Variants in SETD4 observed in about 807,000 individuals in gnomAD.
SETD4 encodes the protein SET domain-containing protein 4.
In SETD4, 46 loss-of-function variants were observed where a neutral mutation model predicts 58.3. The ratio of observed to expected loss-of-function variants is 0.79; its 90% CI spans 0.62 to 1.01. The LOEUF is 1.01. SETD4 is among the 50% of genes least tolerant of loss of function. The probability of loss-of-function intolerance (pLI) is 0.00; values close to 1 mark genes in which losing one functional copy is unlikely to be tolerated. For synonymous variants in SETD4, 190 were observed against 202.6 expected (o/e 0.94, Z 0.53); for missense variants, 490 against 523.3 (o/e 0.94, Z 0.62).
At chr21:36,057,007 C>G (rs913855956) in intron 3 of SETD4, 102 bp downstream of exon 3, 1 of 891,622 alleles carries the variant, frequency 1.1e-6, no homozygotes, top group Non-Finnish European at 1.8e-6. Context: ...TGCAAACCAG[C>G]TGAAGGACAA....
chr21:36,049,342 G>A (rs147903863), intron 4 of SETD4, among the ~76,000 whole-genome samples: 1 of 152,066 alleles, frequency 6.6e-6, no homozygotes, highest in East Asian at 1.9e-4. Context: ...ATCGCTTGAG[G>A]TCAGGAGTTC....
chr21:36,036,022 G>C, intron 11 of SETD4, 62 bp from the exon 12 acceptor site: 1 of 1,466,314 alleles, frequency 6.8e-7, no homozygotes, highest in Non-Finnish European at 9.4e-7. Context: ...ACAACTCATC[G>C]ACTCTAAACT....
chr21:36,045,883 C>T lies in SETD4; in HGVS notation c.425G>A (p.Cys142Tyr). 2 of 1,614,206 alleles carry T rather than the reference C, an allele frequency of 1.2e-6. No individual in the cohort carries two copies. The highest frequency in any genetic ancestry group is 2.2e-5 in the South Asian group (2 of 91,090). The change falls in exon 6 of 12, where the codon TGT becomes TAT. Residue 142 changes from cysteine to tyrosine, a missense_variant. Coordinates refer to ENST00000332131, the MANE Select transcript of SETD4 (RefSeq NM_017438.5). ...AAGGTTCACCACTTCCGGCTCCAAA[C>T]AAACAGGGCAGGTATACGCCTTGGG... ...ILPKAYTCPVCLEPEVVNLLP... is the reference protein window; with the variant it reads ...ILPKAYTCPVYLEPEVVNLLP...
In SETD4 at chr21:36,051,417, T is replaced by C. The variant is rs1348050817; in HGVS notation, c.207+2166A>G. The C allele has an allele frequency of 2.8e-6, 4 of 1,453,834 alleles. No individual in the cohort carries two copies. The Admixed American group carries it at 7.5e-5, about 27-fold the overall frequency. The allele number at this position is 1,453,834 out of a possible 1,614,324, so 90.1% of individuals were successfully genotyped here. A position where few individuals can be genotyped will look rare whatever the true frequency, so the allele number is the denominator to read the frequency against. On this transcript the variant is annotated intron_variant, in intron 4 of 11. Transcript: ENST00000332131. ...AACCAACAAAACCCTTGTAAAACTT[T>C]CTTTCTTTTTTCTTTTCTATTTTTA...
chr21:36,046,299 T>A (rs2064326740), intron 5 of SETD4, among the ~76,000 whole-genome samples: 1 of 152,192 alleles, frequency 6.6e-6, no homozygotes, highest in Admixed American at 6.5e-5. Context: ...CAAAAAAACC[T>A]CTTTGCTTCC....
chr21:36,037,245 C>T (rs1312539380), intron 10 of SETD4, among the ~76,000 whole-genome samples: 2 of 152,070 alleles, frequency 1.3e-5, no homozygotes, highest in Non-Finnish European at 2.9e-5. Context: ...TAGCCATCCA[C>T]GATGTATACC....
At position 36,035,419 on chromosome 21, in the gene SETD4, G is replaced by A. The variant is rs190832897; in HGVS notation, c.*574C>T. ...CAAAGCAGAAAGAGCCGCTGGCTGA[G>A]CTAGTCATTCTTCCCAAGTGAATAA... On this transcript the variant is annotated 3_prime_UTR_variant, in exon 12 of 12. Coordinates refer to ENST00000332131, the MANE Select transcript of SETD4 (RefSeq NM_017438.5). The A allele has an allele frequency of 3.9e-5, 6 of 152,716 alleles. No individual in the cohort carries two copies. Among genetic ancestry groups the A allele is most frequent in the African/African-American group, 1.4e-4 (6 of 41,586 alleles). 9.5% of individuals were successfully genotyped at this position (152,716 alleles called of 1,614,324 possible).
chr21:36,048,778 C>T (rs1356232587), intron 4 of SETD4, among the ~76,000 whole-genome samples: 3 of 142,780 alleles, frequency 2.1e-5, no homozygotes, highest in African/African-American at 5.3e-5. Flanking sequence ...AGTGCAATGG[C>T]GTGATCTCAG....
intron 2 of SETD4, chr21:36,057,494 AT>A (rs2065047029): frequency 3.3e-6 from 2 of 608,036 alleles, no homozygotes; most frequent in Non-Finnish European, 6.0e-6. Context: ...AAAAAAAAAA[AT>A]ACAATATTAT....
intron 7 of SETD4, 106 bp downstream of exon 7, chr21:36,043,676 T>C (rs576251419): frequency 6.6e-7 from 1 of 1,513,532 alleles, no homozygotes; most frequent in East Asian, 2.4e-5. Context: ...GTGATATGTA[T>C]GTCAGTCTTA....
intron 10 of SETD4, 121 bp from the exon 11 acceptor site, chr21:36,036,372 T>C (rs2063781592): frequency 2.0e-6 from 2 of 1,024,250 alleles, no homozygotes; most frequent in South Asian, 1.7e-5. Context: ...TACATTCACA[T>C]TGTTTAGATC....
chr21:36,050,988 A>T, intron 4 of SETD4: 1 of 1,604,522 alleles, frequency 6.2e-7, no homozygotes, highest in Non-Finnish European at 8.5e-7. Flanking sequence ...TATCCTGGGG[A>T]TGGATGTGTG....
chr21:36,050,872 A>C (rs2064643442), intron 4 of SETD4: 1 of 1,610,852 alleles, frequency 6.2e-7, no homozygotes, highest in South Asian at 1.1e-5. Flanking sequence ...ACCATGTTAC[A>C]TTGTTCAACA....
At chr21:36,053,452 T>C in intron 4 of SETD4, 131 bp downstream of exon 4, 1 of 898,956 alleles carries the variant, frequency 1.1e-6, no homozygotes, top group African/African-American at 1.7e-5. Context: ...TAGAACCATA[T>C]TCAAATATAT....
intron 7 of SETD4, 56 bp downstream of exon 7, chr21:36,043,726 C>T (rs2064172315): frequency 5.0e-6 from 8 of 1,598,312 alleles, no homozygotes; most frequent in Non-Finnish European, 6.8e-6. Context: ...ATACACATCT[C>T]CAAATGGGGA....
Position 36,034,770 on chromosome 21 carries a change from A to G in SETD4, c.*1223T>C, listed in dbSNP as rs1427836132. On this transcript the variant is annotated 3_prime_UTR_variant, in exon 12 of 12. Transcript: ENST00000332131. ...CCGCTCTGCAGAATCGCTGGGACTA[A>G]GACCACAGGTCCAGAAAGCTTCAAA... 6.6e-6 allele frequency: 1 copy of G among 152,222 alleles called. No homozygotes were observed. The highest frequency in any genetic ancestry group is 1.9e-4 in the East Asian group (1 of 5,186). The allele number at this position is 152,222 out of a possible 1,614,324, so 9.4% of individuals were successfully genotyped here.
At chr21:36,056,699 C>A (rs763172977) in intron 3 of SETD4, among the ~76,000 whole-genome samples, 2 of 152,100 alleles carry the variant, frequency 1.3e-5, no homozygotes, top group Non-Finnish European at 2.9e-5. Flanking sequence ...GCTGGGACTA[C>A]AGGGCACACC....
At chr21:36,045,058 T>C (rs1372597533) in intron 6 of SETD4, among the ~76,000 whole-genome samples, 2 of 152,234 alleles carry the variant, frequency 1.3e-5, no homozygotes, top group African/African-American at 4.8e-5. Flanking sequence ...TCAATAAACA[T>C]TTACTGAACA....
chr21:36,051,051 A>G, intron 4 of SETD4: 1 of 1,465,874 alleles, frequency 6.8e-7, no homozygotes, highest in South Asian at 1.1e-5. Flanking sequence ...CTGTGAGGCC[A>G]ATGCAAATGT....
Sources: gnomAD v4.1 joint callset for allele counts (sites outside exome capture counted in the v4.1 genomes callset) on GRCh38, gnomAD v4.1.1 for gene constraint, MANE v1.5 for transcripts, NCBI Gene and HGNC (gene_info 2026-07-23, HGNC 2026-07-21) for gene names.